PFKFB2: variants seen among roughly 807,000 people sequenced by gnomAD.
PFKFB2 encodes the protein 6-phosphofructo-2-kinase/fructose-2,6-biphosphatase 2, also known as 6-phosphofructo-2-kinase/fructose-2,6-bisphosphatase 2.
PFKFB2 carries 53 observed loss-of-function variants against 68.0 expected under a neutral mutation model. The ratio of observed to expected loss-of-function variants is 0.78; its 90% confidence interval spans 0.63 to 0.98. PFKFB2 has a LOEUF of 0.98. PFKFB2 is among the 50% of genes least tolerant of loss of function. The pLI, the probability that PFKFB2 is intolerant of heterozygous loss-of-function variation, is 0.00. For synonymous variants in PFKFB2, 222 were observed against 227.6 expected, an observed-to-expected ratio of 0.98 and a Z score of 0.22; for missense variants, 451 against 642.0, an observed-to-expected ratio of 0.70 and a Z score of 3.22.
At chr1:207,043,842 TCAAA>T (rs1249702053) in intron 2 of PFKFB2, 3 of 152,588 alleles carry the variant, frequency 2.0e-5, no homozygotes, top group African/African-American at 7.2e-5. Flanking sequence ...CAAAATATAC[TCAAA>T]CAACGTTTTC....
At chr1:207,054,926 G>T in intron 2 of PFKFB2, 124 bp downstream of exon 2, 1 of 692,348 alleles carries the variant, frequency 1.4e-6, no homozygotes, top group East Asian at 2.8e-5. Flanking sequence ...GAAATTTAAT[G>T]CAAAGTCTCC....
At position 207,070,332 on chromosome 1, in the gene PFKFB2, G is replaced by A. The variant is rs1683429731; in HGVS notation, c.1145G>A (p.Arg382His). 2.5e-6 allele frequency: 4 copies of A among 1,613,918 alleles called. No homozygotes were observed. Among genetic ancestry groups the A allele is most frequent in the Non-Finnish European group, 2.5e-6 (3 of 1,179,990 alleles). The change falls in exon 12 of 15, where the codon CGT becomes CAT. Residue 382 changes from arginine to histidine, a missense_variant. Coordinates refer to ENST00000367080, the MANE Select transcript of PFKFB2 (RefSeq NM_006212.2). The surrounding 1 kb of genome is among the most constrained non-coding windows in gnomAD (Gnocchi z 4.2). The stretch of plus-strand genomic sequence containing the variant: ...GAGCCTGTCATCATGGAGCTGGAAC[G>A]TCAGGGCAATGTCCTCGTCATCTCC... ...RLEPVIMELE[R>H]QGNVLVISHQ...
chr1:207,068,094 G>T, intron 9 of PFKFB2, 69 bp from the exon 10 acceptor site: 1 of 1,213,974 alleles, frequency 8.2e-7, no homozygotes, highest in Non-Finnish European at 1.1e-6. Flanking sequence ...TGTGTGTGTT[G>T]AGTGTGTGTG....
chr1:207,071,651 G>A, intron 14 of PFKFB2, 78 bp downstream of exon 14: 1 of 1,054,688 alleles, frequency 9.5e-7, no homozygotes, highest in South Asian at 1.3e-5. Context: ...AAGAGACTGG[G>A]GTTTCTTTTA....
upstream of PFKFB2, chr1:207,050,811 C>T (rs145388036): frequency 6.2e-7 from 1 of 1,613,292 alleles, no homozygotes; most frequent in Non-Finnish European, 8.5e-7. Context: ...GCAATTTGGC[C>T]CTGGAGTTCC....
intron 3 of PFKFB2, chr1:207,062,417 G>C (rs1683146257): frequency 1.3e-6 from 1 of 751,302 alleles, no homozygotes; most frequent in Non-Finnish European, 2.2e-6. Context: ...TGAAACCTCA[G>C]ACAGCTTAAG....
chr1:207,043,899 T>G (rs1358542471), intron 2 of PFKFB2: 2 of 152,604 alleles, frequency 1.3e-5, no homozygotes, highest in African/African-American at 4.8e-5. Context: ...ATACAGCATT[T>G]AGATATTTAA....
intron 2 of PFKFB2, chr1:207,044,568 A>G (rs1460310658): frequency 6.6e-6 from 1 of 152,462 alleles, no homozygotes; most frequent in Non-Finnish European, 1.5e-5. Flanking sequence ...TATGTTGGTT[A>G]GTACTTTTAA....
chr1:207,052,158 A>C, upstream of PFKFB2: 1 of 1,608,900 alleles, frequency 6.2e-7, no homozygotes, highest in Non-Finnish European at 8.5e-7. Flanking sequence ...AACTATGAAA[A>C]GTGTAGTTCA....
downstream of PFKFB2, chr1:207,080,012 G>T (rs1416807850): frequency 6.6e-6 from 1 of 152,180 alleles, no homozygotes; most frequent in African/African-American, 2.4e-5. Context: ...CACTATTGTG[G>T]TCACTGATCT....
In PFKFB2 at chr1:207,063,888, G is replaced by GGGGGGT. The variant is rs572110449; in HGVS notation, c.507+60_507+61insGGGGTG. On this transcript the variant is annotated intron_variant, in intron 7 of 14. Transcript: ENST00000367080. This position sits in a 1 kb window ranked among gnomAD's most constrained non-coding sequence, Gnocchi z 4.1. ...ACCTTTTGTGCTGTGTGTGTTGTGG[G>GGGGGGT]GTGTGTGTGTGTGTGTGTGTGTGTG... 2 of 1,015,394 alleles carry GGGGGGT rather than the reference G, an allele frequency of 2.0e-6. No homozygotes were observed. The highest frequency in any genetic ancestry group is 3.1e-6 in the Non-Finnish European group (2 of 650,708). 62.9% of individuals were successfully genotyped at this position (1,015,394 alleles called of 1,614,324 possible). A position where few individuals can be genotyped will look rare whatever the true frequency, so the allele number is the denominator to read the frequency against.
At position 207,076,548 on chromosome 1, in the gene PFKFB2, A is replaced by G; in HGVS notation, c.*4177A>G. ...AGAATCGACTTTCCCTGAAGGTGAC[A>G]CAGATGTCAGAATTGTGTCCAGGGA... is the stretch of plus-strand genomic sequence containing the variant. On this transcript the variant is annotated 3_prime_UTR_variant, in exon 15 of 15. Transcript: ENST00000367080. 2.0e-6 allele frequency: 2 copies of G among 976,004 alleles called. No individual in the cohort carries two copies. Among genetic ancestry groups the G allele is most frequent in the Non-Finnish European group, 2.4e-6 (2 of 826,100 alleles). 60.5% of individuals were successfully genotyped at this position (976,004 alleles called of 1,614,324 possible).
intron 2 of PFKFB2, among the ~76,000 whole-genome samples, chr1:207,058,163 T>C (rs1024867619): frequency 1.3e-5 from 2 of 152,254 alleles, no homozygotes; most frequent in Non-Finnish European, 2.9e-5. Flanking sequence ...ACCGTAGTTA[T>C]ACGAACTTGG....
upstream of PFKFB2, among the ~76,000 whole-genome samples, chr1:207,051,921 T>C (rs4844372): frequency 0.35 from 52,538 of 152,172 alleles, 9,702 homozygotes; most frequent in Middle Eastern, 0.47. Flanking sequence ...AGAGGGCAAC[T>C]AGAGCACTCT....
Position 207,077,081 on chromosome 1 carries a change from A to C in PFKFB2, c.*4710A>C, listed in dbSNP as rs1160938105. 1.0e-6 allele frequency: 1 copy of C among 985,070 alleles called. No individual in the cohort carries two copies. Among genetic ancestry groups the C allele is most frequent in the African/African-American group, 1.7e-5 (1 of 57,202 alleles). 61.0% of individuals were successfully genotyped at this position (985,070 alleles called of 1,614,324 possible). A position where few individuals can be genotyped will look rare whatever the true frequency, so the allele number is the denominator to read the frequency against. Reference sequence around the variant, plus strand: ...TGCATCACTTTTATGGTATTTTGTGAACTCAGCTAAGGGAATGCCTGTTCA... The same window carrying C: ...TGCATCACTTTTATGGTATTTTGTGCACTCAGCTAAGGGAATGCCTGTTCA... On this transcript the variant is annotated 3_prime_UTR_variant, in exon 15 of 15. Coordinates refer to ENST00000367080, the MANE Select transcript of PFKFB2 (RefSeq NM_006212.2).
At chr1:207,037,304 T>G (rs1309526690) in intron 1 of PFKFB2, among the ~76,000 whole-genome samples, 2 of 152,256 alleles carry the variant, frequency 1.3e-5, no homozygotes, top group South Asian at 2.1e-4. Context: ...TAATCTCTCC[T>G]GAACCCTCAG....
chr1:207,054,937 A>G (rs923683682), intron 2 of PFKFB2, 135 bp downstream of exon 2: 7 of 655,578 alleles, frequency 1.1e-5, no homozygotes, highest in Non-Finnish European at 1.9e-5. Flanking sequence ...CAAAGTCTCC[A>G]GGGTAGAATG....
At chr1:207,038,793 A>G (rs901247955) in intron 1 of PFKFB2, among the ~76,000 whole-genome samples, 1 of 152,236 alleles carries the variant, frequency 6.6e-6, no homozygotes, top group African/African-American at 2.4e-5. Context: ...TATGAACTAC[A>G]AAAGGATCTC....
At chr1:207,036,143 A>G (rs1682373569) in intron 1 of PFKFB2, among the ~76,000 whole-genome samples, 1 of 152,124 alleles carries the variant, frequency 6.6e-6, no homozygotes, top group Non-Finnish European at 1.5e-5. Context: ...CACTAGGTCC[A>G]CCTCCAACTT....
Sources: gnomAD v4.1 joint callset for allele counts (sites outside exome capture counted in the v4.1 genomes callset) on GRCh38, gnomAD v4.1.1 for gene constraint, Gnocchi (gnomAD v3.1) non-coding constraint, MANE v1.5 for transcripts, NCBI Gene and HGNC (gene_info 2026-07-23, HGNC 2026-07-21) for gene names.